The following E2F3 variants were observed in gnomAD, a reference collection of about 807,000 sequenced individuals.
E2F3 encodes transcription factor E2F3.
E2F3 carries 11 observed loss-of-function variants against 44.4 expected under a neutral mutation model. The ratio of observed to expected loss-of-function variants is 0.25; its 90% CI spans 0.16 to 0.41. E2F3 has a LOEUF of 0.41. Ranked by LOEUF, E2F3 falls within the 10% of genes least tolerant of loss-of-function variation. The pLI, the probability that E2F3 is intolerant of heterozygous loss-of-function variation, is 1.00. For missense variants in E2F3, 487 were observed against 583.6 expected (o/e 0.83, Z 1.70); for synonymous variants, 249 against 253.0 (o/e 0.98, Z 0.15).
intron 1 of E2F3, among the ~76,000 whole-genome samples, chr6:20,432,435 G>A (rs1760437560): frequency 6.6e-6 from 1 of 152,230 alleles, no homozygotes; most frequent in Non-Finnish European, 1.5e-5. Context: ...GTGTAAATAA[G>A]ACAAGCCCAT....
At chr6:20,437,166 T>TA (rs1173752629) in intron 1 of E2F3, among the ~76,000 whole-genome samples, 3 of 152,196 alleles carry the variant, frequency 2.0e-5, no homozygotes, top group Non-Finnish European at 4.4e-5. Context: ...TGGAGTGTAC[T>TA]ACTGAGAAAT....
chr6:20,465,633 T>C (rs149068022), intron 1 of E2F3, among the ~76,000 whole-genome samples: 4,617 of 152,306 alleles, frequency 0.03, 96 homozygotes, highest in Admixed American at 0.049. Context: ...CCAAAGTCCA[T>C]TGTGTCATTC....
At chr6:20,412,869 A>G (rs1180884825) in intron 1 of E2F3, among the ~76,000 whole-genome samples, 2 of 152,186 alleles carry the variant, frequency 1.3e-5, no homozygotes, top group Non-Finnish European at 2.9e-5. Context: ...AAGGGCTGCC[A>G]CTCAGCAGTC....
At chr6:20,440,294 A>G (rs533855377) in intron 1 of E2F3, 1 of 152,250 alleles carries the variant, frequency 6.6e-6, no homozygotes, top group Non-Finnish European at 1.5e-5. Context: ...CAAAAAAATT[A>G]AAATAATTTA....
At chr6:20,467,229 C>T (rs1273618966) in intron 1 of E2F3, among the ~76,000 whole-genome samples, 3 of 152,160 alleles carry the variant, frequency 2.0e-5, no homozygotes, top group Non-Finnish European at 4.4e-5. Context: ...CGCCCCTAAT[C>T]GCATCATTTA....
At chr6:20,475,358 T>G (rs1245979663) in intron 1 of E2F3, among the ~76,000 whole-genome samples, 1 of 152,130 alleles carries the variant, frequency 6.6e-6, no homozygotes, top group African/African-American at 2.4e-5. Flanking sequence ...GGCCTTTGCC[T>G]CATGGCAGTC....
At position 20,465,619 on chromosome 6, in the gene E2F3, G is replaced by A. The variant is rs530888352; in HGVS notation, c.394-14227G>A. Among the ~76,000 whole-genome samples, 16 of 152,194 alleles carry A rather than the reference G, an allele frequency of 1.1e-4. 1 individual carries two copies. The highest frequency in any genetic ancestry group is 2.0e-4 in the Admixed American group (3 of 15,282). On this transcript the variant is annotated intron_variant, in intron 1 of 6. Transcript: ENST00000346618. ...AGTCTTTTATCCCTCACTCCCCTGC[G>A]TCCCCAAAGTCCATTGTGTCATTCT...
At chr6:20,436,524 G>C (rs984395492) in intron 1 of E2F3, among the ~76,000 whole-genome samples, 1 of 152,014 alleles carries the variant, frequency 6.6e-6, no homozygotes, top group Non-Finnish European at 1.5e-5. Context: ...AAGAAACTTC[G>C]TGAATTTCTG....
At chr6:20,424,421 A>G (rs796559171) in intron 1 of E2F3, among the ~76,000 whole-genome samples, 3 of 151,810 alleles carry the variant, frequency 2.0e-5, no homozygotes, top group Admixed American at 6.6e-5. Context: ...ACATGCATAC[A>G]TGCATGTATG....
At chr6:20,475,958 A>G (rs1762029631) in intron 1 of E2F3, among the ~76,000 whole-genome samples, 1 of 152,202 alleles carries the variant, frequency 6.6e-6, no homozygotes, top group Non-Finnish European at 1.5e-5. Flanking sequence ...AGAAGTGACC[A>G]ACACACTCTG....
intron 4 of E2F3, among the ~76,000 whole-genome samples, chr6:20,486,157 A>G (rs974457261): frequency 3.9e-5 from 6 of 152,186 alleles, no homozygotes; most frequent in Admixed American, 6.5e-5. Context: ...TTAAATAGCC[A>G]TAGTCTTTTT....
At chr6:20,407,039 A>T (rs1414068080) in intron 1 of E2F3, among the ~76,000 whole-genome samples, 1 of 152,202 alleles carries the variant, frequency 6.6e-6, no homozygotes, top group Non-Finnish European at 1.5e-5. Context: ...CTACTTTGGG[A>T]AAGAGCCCTC....
chr6:20,476,033 A>G (rs546419968), intron 1 of E2F3, among the ~76,000 whole-genome samples: 128 of 152,300 alleles, frequency 8.4e-4, no homozygotes, highest in African/African-American at 2.9e-3. Context: ...AGCCAGTTCC[A>G]TAAGCTGTCA....
intron 1 of E2F3, chr6:20,403,806 G>A (rs1262683730): frequency 2.0e-6 from 3 of 1,498,396 alleles, no homozygotes; most frequent in Admixed American, 4.3e-5. Flanking sequence ...AGCCAGGCTG[G>A]TTTCGGAAAT....
intron 1 of E2F3, among the ~76,000 whole-genome samples, chr6:20,410,810 C>T (rs1759647961): frequency 6.6e-6 from 1 of 152,124 alleles, no homozygotes; most frequent in Non-Finnish European, 1.5e-5. Context: ...TTAGTAGGGA[C>T]GGGGTTTCAC....
intron 1 of E2F3, among the ~76,000 whole-genome samples, chr6:20,427,210 A>G (rs1467648937): frequency 1.3e-5 from 2 of 152,206 alleles, no homozygotes; most frequent in East Asian, 3.8e-4. Context: ...TTATCATATA[A>G]TGGGAATCAC....
At chr6:20,473,971 A>G (rs976846438) in intron 1 of E2F3, among the ~76,000 whole-genome samples, 1 of 152,182 alleles carries the variant, frequency 6.6e-6, no homozygotes, top group African/African-American at 2.4e-5. Context: ...TTGGAGACTA[A>G]TAGAAACTAA....
intron 1 of E2F3, among the ~76,000 whole-genome samples, chr6:20,437,209 A>T (rs1760616355): frequency 6.6e-6 from 1 of 152,264 alleles, no homozygotes; most frequent in African/African-American, 2.4e-5. Flanking sequence ...GCTTATAAGA[A>T]ACTTCAAAGC....
At chr6:20,411,640 C>T (rs891858220) in intron 1 of E2F3, among the ~76,000 whole-genome samples, 14 of 152,216 alleles carry the variant, frequency 9.2e-5, no homozygotes, top group Non-Finnish European at 1.6e-4. Context: ...GCAGGCACCG[C>T]AGATTTCCCT....
Sources: allele counts gnomAD v4.1 joint callset (sites outside exome capture counted in the v4.1 genomes callset), GRCh38; gene constraint gnomAD v4.1.1; transcripts MANE v1.5; gene names NCBI Gene and HGNC (gene_info 2026-07-23, HGNC 2026-07-21).